PHKB: variants seen among roughly 807,000 people sequenced by gnomAD.
PHKB encodes the protein phosphorylase b kinase regulatory subunit beta.
PHKB carries 122 observed loss-of-function variants against 152.1 expected under a neutral mutation model. That is an observed-to-expected ratio of 0.80 (90% CI 0.69 to 0.93). The LOEUF (loss-of-function observed/expected upper bound fraction) is 0.93, where lower values mean the gene tolerates loss of function less well. Ranked by LOEUF, PHKB falls within the 40% of genes least tolerant of loss-of-function variation. PHKB has a pLI of 0.00. For missense variants in PHKB, 1,304 were observed against 1,328.4 expected (o/e 0.98, Z 0.29); for synonymous variants, 436 against 464.9 (o/e 0.94, Z 0.80).
At chr16:47,469,322 A>G (rs1597008409) in intron 1 of PHKB, among the ~76,000 whole-genome samples, 2 of 152,286 alleles carry the variant, frequency 1.3e-5, no homozygotes, top group African/African-American at 2.4e-5. Flanking sequence ...CAAACTGTGA[A>G]CTCAATAGCA....
At chr16:47,473,657 G>A (rs949660075) in intron 1 of PHKB, among the ~76,000 whole-genome samples, 1 of 151,950 alleles carries the variant, frequency 6.6e-6, no homozygotes, top group Non-Finnish European at 1.5e-5. Flanking sequence ...TGAGGATGTT[G>A]GTTTGTGTAG....
intron 6 of PHKB, among the ~76,000 whole-genome samples, chr16:47,518,308 A>G (rs1166305825): frequency 1.3e-5 from 2 of 152,252 alleles, no homozygotes; most frequent in African/African-American, 2.4e-5. Flanking sequence ...GTAATGAAAT[A>G]TAGGTACTGC....
intron 1 of PHKB, among the ~76,000 whole-genome samples, chr16:47,481,475 T>G (rs1283988379): frequency 6.6e-6 from 1 of 152,202 alleles, no homozygotes; most frequent in African/African-American, 2.4e-5. Flanking sequence ...TCTTTTTCTG[T>G]TTTTAAAAAT....
chr16:47,626,234 AAC>A (rs1191479943), intron 14 of PHKB, among the ~76,000 whole-genome samples: 5 of 152,216 alleles, frequency 3.3e-5, no homozygotes, highest in African/African-American at 1.2e-4. Context: ...CCGCACTAGA[AAC>A]AGTTTGGCCT....
chr16:47,556,905 C>CT (rs1417928877), intron 7 of PHKB, among the ~76,000 whole-genome samples: 1 of 152,096 alleles, frequency 6.6e-6, no homozygotes, highest in Admixed American at 6.6e-5. Context: ...GTCCTGGACT[C>CT]TTTTTGGTTG....
chr16:47,539,061 A>G (rs930040599), intron 6 of PHKB, among the ~76,000 whole-genome samples: 3 of 152,212 alleles, frequency 2.0e-5, no homozygotes, highest in African/African-American at 7.2e-5. Flanking sequence ...CCTGTAGCCC[A>G]CATAAGAAAT....
At chr16:47,558,866 G>A (rs2151680260) in intron 7 of PHKB, among the ~76,000 whole-genome samples, 1 of 152,252 alleles carries the variant, frequency 6.6e-6, no homozygotes, top group Non-Finnish European at 1.5e-5. Flanking sequence ...CTTTTAAAAT[G>A]CCACATTTAG....
intron 1 of PHKB, chr16:47,463,341 TC>T (rs1969609633): frequency 6.5e-6 from 1 of 153,778 alleles, no homozygotes; most frequent in Admixed American, 6.4e-5. Flanking sequence ...TGTTGAATGT[TC>T]CTGTATGTTT....
chr16:47,632,560 A>C (rs1464545551), intron 14 of PHKB, among the ~76,000 whole-genome samples: 1 of 152,234 alleles, frequency 6.6e-6, no homozygotes, highest in Non-Finnish European at 1.5e-5. Flanking sequence ...AGAGCAAGGC[A>C]TAAATAATCA....
At chr16:47,515,739 G>A (rs1330634300) in intron 6 of PHKB, 138 bp downstream of exon 6, 3 of 649,856 alleles carry the variant, frequency 4.6e-6, no homozygotes, top group African/African-American at 3.7e-5. Context: ...GTAGATGTTG[G>A]TTGTTGAATG....
At chr16:47,633,664 G>A (rs984630512) in intron 14 of PHKB, among the ~76,000 whole-genome samples, 2 of 152,086 alleles carry the variant, frequency 1.3e-5, no homozygotes, top group African/African-American at 4.8e-5. Flanking sequence ...AAACGTAAAG[G>A]GACAGTGGAC....
intron 14 of PHKB, among the ~76,000 whole-genome samples, chr16:47,614,618 A>C (rs1446027484): frequency 2.0e-5 from 3 of 152,224 alleles, no homozygotes; most frequent in African/African-American, 7.2e-5. Flanking sequence ...TGCCACTTTA[A>C]GTGAATTATA....
At chr16:47,558,116 CAGTA>C (rs944661017) in intron 7 of PHKB, among the ~76,000 whole-genome samples, 2 of 150,856 alleles carry the variant, frequency 1.3e-5, no homozygotes, top group Non-Finnish European at 2.9e-5. Flanking sequence ...TCATCATTCT[CAGTA>C]AACTATCGCA....
chr16:47,471,307 C>T (rs908201394), intron 1 of PHKB, among the ~76,000 whole-genome samples: 1 of 152,012 alleles, frequency 6.6e-6, no homozygotes, highest in Non-Finnish European at 1.5e-5. Context: ...AGAGGAAGGC[C>T]TGGGATGGGC....
At chr16:47,516,896 T>G (rs1473660054) in intron 6 of PHKB, among the ~76,000 whole-genome samples, 3 of 152,200 alleles carry the variant, frequency 2.0e-5, no homozygotes, top group Admixed American at 2.0e-4. Context: ...TTTATAATAT[T>G]GTGAAGTGGG....
At chr16:47,602,180 C>G (rs1365588516) in intron 13 of PHKB, among the ~76,000 whole-genome samples, 4 of 152,280 alleles carry the variant, frequency 2.6e-5, no homozygotes, top group South Asian at 4.2e-4. Flanking sequence ...CCTACCTCAG[C>G]CTCCTGAGTA....
chr16:47,683,068 G>A (rs1973892891), intron 26 of PHKB, among the ~76,000 whole-genome samples: 1 of 152,258 alleles, frequency 6.6e-6, no homozygotes, highest in South Asian at 2.1e-4. Flanking sequence ...AGCAGTGGCT[G>A]TAGAACAGCG....
intron 5 of PHKB, 80 bp downstream of exon 5, chr16:47,511,852 A>G: frequency 2.1e-6 from 2 of 967,242 alleles, no homozygotes; most frequent in Non-Finnish European, 3.3e-6. Context: ...GGCACCAGGG[A>G]CTAGTTTTGT....
chr16:47,473,098 C>G (rs978551827), intron 1 of PHKB, among the ~76,000 whole-genome samples: 2 of 149,946 alleles, frequency 1.3e-5, no homozygotes, highest in Non-Finnish European at 3.0e-5. Flanking sequence ...GGGTCTTGCT[C>G]TCTCACCCAG....
Sources: allele counts gnomAD v4.1 joint callset (sites outside exome capture counted in the v4.1 genomes callset), GRCh38; gene constraint gnomAD v4.1.1; transcripts MANE v1.5; gene names NCBI Gene and HGNC (gene_info 2026-07-23, HGNC 2026-07-21).